The following TFEC variants were observed in gnomAD, a reference collection of about 807,000 sequenced individuals.
TFEC encodes the protein class E basic helix-loop-helix protein 34.
TFEC carries 31 observed loss-of-function variants against 41.6 expected under a neutral mutation model. The ratio of observed to expected loss-of-function variants is 0.74; its 90% CI spans 0.56 to 1.01. The LOEUF is 1.01. Ranked by LOEUF, TFEC falls within the 50% of genes least tolerant of loss-of-function variation. The pLI is 0.00. For synonymous variants in TFEC, 143 were observed against 140.6 expected, an observed-to-expected ratio of 1.02 and a Z score of -0.12; for missense variants, 402 against 404.1, an observed-to-expected ratio of 0.99 and a Z score of 0.04.
intron 3 of TFEC, among the ~76,000 whole-genome samples, chr7:116,085,483 T>A (rs1797183157): frequency 6.6e-6 from 1 of 151,870 alleles, no homozygotes; most frequent in Admixed American, 6.6e-5. Flanking sequence ...AGAACGGGTT[T>A]GACCAAATGG....
chr7:116,030,771 G>A (rs898123971), upstream of TFEC: 2 of 985,248 alleles, frequency 2.0e-6, no homozygotes, highest in Admixed American at 1.2e-4. Flanking sequence ...AATACTTTGG[G>A]CTGGTTGGAA....
chr7:116,125,100 C>T (rs1423097173), intron 1 of TFEC, among the ~76,000 whole-genome samples: 4 of 152,166 alleles, frequency 2.6e-5, no homozygotes, highest in African/African-American at 7.2e-5. Context: ...AAATCCATTA[C>T]TCAACTGGCC....
At position 116,004,345 on chromosome 7, in the gene TFEC, G is replaced by A. The variant is rs537575074; in HGVS notation, c.-72-19832C>T. Among the ~76,000 whole-genome samples, 173 of 152,194 alleles carry A rather than the reference G, an allele frequency of 1.1e-3. 1 individual carries two copies. The highest frequency in any genetic ancestry group is 3.9e-3 in the African/African-American group (161 of 41,544). Reference sequence around the variant, plus strand: ...GAAAGGGGTAATAAGTGAATACTACGAACAACTCTATGTTCAGTATAATGA... The same window carrying A: ...GAAAGGGGTAATAAGTGAATACTACAAACAACTCTATGTTCAGTATAATGA... On this transcript the variant is annotated intron_variant, in intron 1 of 7. Transcript: ENST00000265440.
intron 3 of TFEC, among the ~76,000 whole-genome samples, chr7:116,103,255 G>A (rs1010618938): frequency 3.3e-5 from 5 of 152,148 alleles, no homozygotes; most frequent in African/African-American, 1.2e-4. Context: ...CAGGGAAGCT[G>A]TGATCACTCA....
At chr7:116,109,662 T>G (rs78125164) in intron 3 of TFEC, among the ~76,000 whole-genome samples, 141,434 of 152,148 alleles carry the variant, frequency 0.93, 65,915 homozygotes, top group Middle Eastern at 0.98. Context: ...TGGAAGACAG[T>G]GTGGTGATTC....
At chr7:116,020,380 T>C (rs1795348603) in intron 1 of TFEC, among the ~76,000 whole-genome samples, 1 of 152,170 alleles carries the variant, frequency 6.6e-6, no homozygotes. Context: ...GTTCTGAATG[T>C]GTAAAAGATT....
At chr7:116,070,795 G>C (rs1240147138) in intron 3 of TFEC, among the ~76,000 whole-genome samples, 18 of 151,220 alleles carry the variant, frequency 1.2e-4, no homozygotes. Context: ...TAAAATCAAA[G>C]TTAACAGTGT....
chr7:115,998,764 A>G (rs1304888949), intron 1 of TFEC, among the ~76,000 whole-genome samples: 1 of 152,014 alleles, frequency 6.6e-6, no homozygotes, highest in Non-Finnish European at 1.5e-5. Context: ...AACGTAGCCA[A>G]TCAGTAAGAA....
chr7:116,022,094 A>G (rs1425432437), intron 1 of TFEC, among the ~76,000 whole-genome samples: 1 of 152,144 alleles, frequency 6.6e-6, no homozygotes, highest in African/African-American at 2.4e-5. Flanking sequence ...ACCTCTTGAC[A>G]TGTCCTGGTT....
intron 1 of TFEC, among the ~76,000 whole-genome samples, chr7:116,159,595 T>C (rs1029417181): frequency 1.3e-5 from 2 of 152,098 alleles, no homozygotes; most frequent in Non-Finnish European, 1.5e-5. Flanking sequence ...TATAATCAAA[T>C]ATCATCCATA....
intron 3 of TFEC, among the ~76,000 whole-genome samples, chr7:116,073,005 TAAAC>T (rs959105485): frequency 2.0e-5 from 3 of 151,220 alleles, no homozygotes; most frequent in East Asian, 3.9e-4. Context: ...ATTAAATAAT[TAAAC>T]AAAAAAATAA....
chr7:116,103,729 AT>A (rs1797655921), intron 3 of TFEC, among the ~76,000 whole-genome samples: 2 of 152,184 alleles, frequency 1.3e-5, no homozygotes, highest in African/African-American at 4.8e-5. Context: ...CCGGACACGC[AT>A]ATTTAAAAGA....
intron 3 of TFEC, among the ~76,000 whole-genome samples, chr7:116,046,069 T>G (rs548587831): frequency 6.6e-6 from 1 of 152,322 alleles, no homozygotes; most frequent in East Asian, 1.9e-4. Flanking sequence ...AGAACTAGCT[T>G]GCTTTTGATT....
chr7:116,029,775 T>C (rs1359196326), intron 1 of TFEC, among the ~76,000 whole-genome samples: 1 of 152,066 alleles, frequency 6.6e-6, no homozygotes, highest in Admixed American at 6.6e-5. Context: ...ACAACTCTTT[T>C]GATTATTACA....
chr7:116,023,625 T>C (rs1172799568), intron 1 of TFEC, among the ~76,000 whole-genome samples: 2 of 152,084 alleles, frequency 1.3e-5, no homozygotes, highest in African/African-American at 4.8e-5. Context: ...AGCATGAACA[T>C]CTCAAGAGAC....
intron 1 of TFEC, among the ~76,000 whole-genome samples, chr7:115,999,471 A>T (rs1794503976): frequency 6.6e-6 from 1 of 152,046 alleles, no homozygotes; most frequent in Admixed American, 6.5e-5. Flanking sequence ...AATTAGTGCA[A>T]GATCAGAACA....
chr7:116,107,342 T>C (rs1348622042), intron 3 of TFEC, among the ~76,000 whole-genome samples: 1 of 152,186 alleles, frequency 6.6e-6, no homozygotes, highest in African/African-American at 2.4e-5. Flanking sequence ...GCATAGCACT[T>C]ACCATCTTGG....
chr7:116,101,404 A>G (rs980460520), intron 3 of TFEC, among the ~76,000 whole-genome samples: 1 of 152,172 alleles, frequency 6.6e-6, no homozygotes, highest in African/African-American at 2.4e-5. Context: ...CAGTGAAGAA[A>G]GAGAAGGGAA....
chr7:116,153,371 C>T (rs894892032), intron 1 of TFEC, among the ~76,000 whole-genome samples: 3 of 152,072 alleles, frequency 2.0e-5, no homozygotes, highest in African/African-American at 4.8e-5. Flanking sequence ...CTCCTGCCTC[C>T]GCTTCCTGAG....
Sources: allele counts gnomAD v4.1 joint callset (sites outside exome capture counted in the v4.1 genomes callset), GRCh38; gene constraint gnomAD v4.1.1; transcripts MANE v1.5; gene names NCBI Gene and HGNC (gene_info 2026-07-23, HGNC 2026-07-21).